Variants in OXCT1 observed in about 807,000 individuals in gnomAD.
The protein encoded by OXCT1 is succinyl-CoA:3-ketoacid coenzyme A transferase 1, mitochondrial.
Under a neutral mutation model 69.6 loss-of-function variants are expected in OXCT1, and 27 were observed. The observed-to-expected ratio is 0.39, with a 90% CI of 0.29 to 0.54. OXCT1 has a LOEUF of 0.54. Ranked by LOEUF, OXCT1 falls within the 20% of genes least tolerant of loss-of-function variation. OXCT1 has a pLI of 0.72. For missense variants in OXCT1, 437 were observed against 650.2 expected, an observed-to-expected ratio of 0.67 and a Z score of 3.57; for synonymous variants, 202 against 217.8, an observed-to-expected ratio of 0.93 and a Z score of 0.64.
At chr5:41,842,083 C>A (rs1748652122) in intron 6 of OXCT1, among the ~76,000 whole-genome samples, 1 of 152,122 alleles carries the variant, frequency 6.6e-6, no homozygotes, top group African/African-American at 2.4e-5. Flanking sequence ...CTATATAAAT[C>A]TATAAATCCA....
chr5:41,747,240 C>T (rs1383917352), intron 15 of OXCT1, among the ~76,000 whole-genome samples: 1 of 152,066 alleles, frequency 6.6e-6, no homozygotes, highest in Non-Finnish European at 1.5e-5. Context: ...CATGCCCTTG[C>T]TCCAACCAGT....
intron 10 of OXCT1, among the ~76,000 whole-genome samples, 170 bp downstream of exon 10, chr5:41,802,894 TGGGAC>T (rs1278621365): frequency 1.3e-5 from 2 of 152,168 alleles, no homozygotes; most frequent in African/African-American, 4.8e-5. Context: ...TTTCACTATG[TGGGAC>T]GGATCCACTA....
In OXCT1 at chr5:41,838,814, C is replaced by A. The variant is rs138193652; in HGVS notation, c.732+1637G>T. ...AATTTTTTGTAGACACAGGGTTTCA[C>A]CATGTTGCCCTTGAACATCTAGGCT... On this transcript the variant is annotated intron_variant, in intron 7 of 16. Transcript: ENST00000196371. 1.8e-3 allele frequency among the ~76,000 whole-genome samples: 279 copies of A among 152,192 alleles called. 4 individuals are homozygous for A. Among genetic ancestry groups the A allele is most frequent in the African/African-American group, 6.3e-3 (261 of 41,528 alleles).
At chr5:41,812,421 T>C (rs766080486) in intron 7 of OXCT1, among the ~76,000 whole-genome samples, 44 of 152,052 alleles carry the variant, frequency 2.9e-4, no homozygotes, top group Non-Finnish European at 5.9e-4. Context: ...GAGAATTGCA[T>C]ATAAAGAAAT....
chr5:41,774,336 G>T (rs546218839), intron 13 of OXCT1, among the ~76,000 whole-genome samples: 1 of 152,234 alleles, frequency 6.6e-6, no homozygotes, highest in East Asian at 1.9e-4. Context: ...CATTGAGAAG[G>T]GCTAGAAGCA....
intron 7 of OXCT1, among the ~76,000 whole-genome samples, chr5:41,815,736 T>A (rs928899310): frequency 1.3e-5 from 2 of 152,238 alleles, no homozygotes; most frequent in Non-Finnish European, 1.5e-5. Flanking sequence ...CATTATCATA[T>A]ACCCCAAGGA....
chr5:41,778,347 G>A (rs953398693), intron 13 of OXCT1, among the ~76,000 whole-genome samples: 10 of 152,256 alleles, frequency 6.6e-5, no homozygotes, highest in Non-Finnish European at 1.0e-4. Flanking sequence ...AAAACTCTGC[G>A]TTTTACTTAA....
At chr5:41,851,660 G>C (rs762800501) in intron 4 of OXCT1, among the ~76,000 whole-genome samples, 1 of 151,942 alleles carries the variant, frequency 6.6e-6, no homozygotes, top group African/African-American at 2.4e-5. Context: ...GTTTACTAAC[G>C]GGCCACTAAG....
At chr5:41,862,822 T>A in intron 1 of OXCT1, 72 bp from the exon 2 acceptor site, 1 of 867,418 alleles carries the variant, frequency 1.2e-6, no homozygotes, top group Non-Finnish European at 1.9e-6. Flanking sequence ...TAGCAATTTA[T>A]TCAATTGATA....
At chr5:41,759,460 CA>C (rs1248139128) in intron 14 of OXCT1, among the ~76,000 whole-genome samples, 1 of 152,062 alleles carries the variant, frequency 6.6e-6, no homozygotes, top group Non-Finnish European at 1.5e-5. Flanking sequence ...TTGCCTACTT[CA>C]AAACTTTGCC....
At chr5:41,781,644 C>T (rs1381717350) in intron 13 of OXCT1, among the ~76,000 whole-genome samples, 2 of 152,074 alleles carry the variant, frequency 1.3e-5, no homozygotes, top group African/African-American at 4.8e-5. Context: ...TGTGTTGTTC[C>T]CCCAGTGGTG....
chr5:41,859,671 T>C (rs988860306), intron 3 of OXCT1, among the ~76,000 whole-genome samples: 1 of 151,874 alleles, frequency 6.6e-6, no homozygotes, highest in Non-Finnish European at 1.5e-5. Context: ...GGAATGTCCA[T>C]AATCAGCTCA....
chr5:41,744,473 T>G (rs1401278584), intron 15 of OXCT1, among the ~76,000 whole-genome samples: 4 of 152,152 alleles, frequency 2.6e-5, no homozygotes, highest in African/African-American at 9.7e-5. Context: ...TCCTGCCTGA[T>G]TGCCCTGGCC....
chr5:41,812,357 G>A (rs1187210801), intron 7 of OXCT1, among the ~76,000 whole-genome samples: 1 of 151,960 alleles, frequency 6.6e-6, no homozygotes, highest in Non-Finnish European at 1.5e-5. Flanking sequence ...TGAAAGATGA[G>A]GATTGCAAAA....
chr5:41,749,681 T>C, intron 14 of OXCT1, 74 bp from the exon 15 acceptor site: 1 of 896,604 alleles, frequency 1.1e-6, no homozygotes. Context: ...AACTATAGGA[T>C]AAACAGAAAC....
At chr5:41,778,369 T>C (rs77608458) in intron 13 of OXCT1, among the ~76,000 whole-genome samples, 5,175 of 152,306 alleles carry the variant, frequency 0.034, 139 homozygotes, top group Non-Finnish European at 0.052. Context: ...ATAATTCCAC[T>C]ACACTGGTTA....
chr5:41,834,683 T>C (rs897559448), intron 7 of OXCT1, among the ~76,000 whole-genome samples: 3 of 151,982 alleles, frequency 2.0e-5, no homozygotes, highest in Admixed American at 6.6e-5. Context: ...ATAGAGCAAA[T>C]ATTATTAGAG....
Position 41,850,038 on chromosome 5 carries a change from G to C in OXCT1, c.556C>G (p.Pro186Ala), listed in dbSNP as rs752311307. 1 of 1,613,812 alleles carries C rather than the reference G, an allele frequency of 6.2e-7. No individual in the cohort carries two copies. The highest frequency in any genetic ancestry group is 1.7e-5 in the Admixed American group (1 of 59,996). The change falls in exon 5 of 17, where the codon CCA becomes GCA. Residue 186 changes from proline (P) to alanine (A), a missense_variant. Transcript: ENST00000196371. ...TTAAGAGTGTTTCTTACCTCTCTTG[G>C]CTTACTGGCAATGGCAACACTGCCA... ...KDGSVAIASK[P>A]REVREFNGQH...
chr5:41,796,529 G>A (rs922163462), intron 11 of OXCT1, among the ~76,000 whole-genome samples: 25 of 152,144 alleles, frequency 1.6e-4, no homozygotes, highest in African/African-American at 5.6e-4. Context: ...AGTCTTTCCC[G>A]AAAGCTAACT....
Sources: gnomAD v4.1 joint callset for allele counts (sites outside exome capture counted in the v4.1 genomes callset) on GRCh38, gnomAD v4.1.1 for gene constraint, MANE v1.5 for transcripts, NCBI Gene and HGNC (gene_info 2026-07-23, HGNC 2026-07-21) for gene names.